BLTP1: variants seen among roughly 807,000 people sequenced by gnomAD.
BLTP1 encodes the protein bridge-like lipid transfer protein family member 1, also known as fragile site-associated protein.
At chr4:122,357,013 G>C in the BLTP1 span, 1 of 984,336 alleles carries the variant, frequency 1.0e-6, no homozygotes, top group Non-Finnish European at 1.2e-6. Context: ...TCTTACAGGA[G>C]ATTCTTGAAA....
the BLTP1 span, chr4:122,264,521 G>A: frequency 8.2e-7 from 1 of 1,217,360 alleles, no homozygotes; most frequent in African/African-American, 1.5e-5. Flanking sequence ...TGGAATTCTA[G>A]TGAGGCTATA....
the BLTP1 span, among the ~76,000 whole-genome samples, chr4:122,265,918 C>T: frequency 1.3e-5 from 2 of 152,132 alleles, no homozygotes; most frequent in Non-Finnish European, 2.9e-5. Flanking sequence ...AGGATGGTCT[C>T]GATCTGACCT....
At chr4:122,181,701 C>T in the BLTP1 span, among the ~76,000 whole-genome samples, 29 of 151,284 alleles carry the variant, frequency 1.9e-4, no homozygotes, top group Non-Finnish European at 2.9e-5. Context: ...TAATGGTAGA[C>T]CGATAATGTA....
the BLTP1 span, chr4:122,250,633 C>G: frequency 2.7e-6 from 4 of 1,497,934 alleles, no homozygotes; most frequent in Non-Finnish European, 3.7e-6. Flanking sequence ...AAGAAAACTA[C>G]ATATGCAATT....
At chr4:122,346,828 G>C in the BLTP1 span, 9 of 1,561,724 alleles carry the variant, frequency 5.8e-6, no homozygotes, top group Non-Finnish European at 7.8e-6. Context: ...TAACACAAAC[G>C]TGATCTTACT....
the BLTP1 span, chr4:122,209,677 G>A: frequency 4.6e-6 from 5 of 1,087,100 alleles, no homozygotes; most frequent in Non-Finnish European, 6.5e-6. Context: ...AATAAAATTA[G>A]TGACAAGTAT....
the BLTP1 span, chr4:122,305,086 G>A: frequency 7.8e-6 from 10 of 1,286,612 alleles, no homozygotes; most frequent in Non-Finnish European, 1.0e-5. Flanking sequence ...AAAATATTTA[G>A]TTTAATTTCC....
At chr4:122,271,094 G>T in the BLTP1 span, 6 of 1,613,914 alleles carry the variant, frequency 3.7e-6, no homozygotes, top group Non-Finnish European at 5.1e-6. Context: ...CAGTGCTGTT[G>T]TAATGGAAAA....
the BLTP1 span, chr4:122,274,651 C>CAA: frequency 1.0e-6 from 1 of 980,208 alleles, no homozygotes. Flanking sequence ...TCCTAACTTC[C>CAA]ATTCAGCAGA....
At chr4:122,344,476 G>A in the BLTP1 span, 1 of 1,613,996 alleles carries the variant, frequency 6.2e-7, no homozygotes, top group Non-Finnish European at 8.5e-7. Flanking sequence ...CACGGATCAG[G>A]CGTTCAGGAG....
the BLTP1 span, chr4:122,262,946 C>T: frequency 6.2e-7 from 1 of 1,613,948 alleles, no homozygotes; most frequent in Non-Finnish European, 8.5e-7. Flanking sequence ...CTCAGAGAAG[C>T]AGTGCTGCTG....
chr4:122,224,034 A>G, the BLTP1 span: 3 of 977,764 alleles, frequency 3.1e-6, no homozygotes, highest in African/African-American at 1.8e-5. Context: ...TTGTATTTAC[A>G]TAGTCCTCAG....
chr4:122,302,846 A>G, the BLTP1 span, among the ~76,000 whole-genome samples: 1 of 152,212 alleles, frequency 6.6e-6, no homozygotes, highest in Non-Finnish European at 1.5e-5. Context: ...ATCCAGAGCA[A>G]TGCCCTAATT....
At chr4:122,169,035 A>C in the BLTP1 span, among the ~76,000 whole-genome samples, 5 of 151,774 alleles carry the variant, frequency 3.3e-5, no homozygotes, top group Non-Finnish European at 2.9e-5. Flanking sequence ...GTAACCTTGA[A>C]CTCCTAGGCT....
At chr4:122,174,273 A>G in the BLTP1 span, 1 of 984,908 alleles carries the variant, frequency 1.0e-6, no homozygotes, top group Admixed American at 6.1e-5. Context: ...ATTAGTCACT[A>G]CTTTGGGTTT....
the BLTP1 span, chr4:122,328,442 C>CA: frequency 1.8e-5 from 22 of 1,245,488 alleles, no homozygotes; most frequent in Admixed American, 3.0e-4. Context: ...TCAGCTTTTA[C>CA]AAAAAACATT....
the BLTP1 span, chr4:122,182,623 C>G: frequency 1.0e-6 from 1 of 984,748 alleles, no homozygotes; most frequent in East Asian, 1.1e-4. Context: ...CCTCCATCTA[C>G]CATTCTGCTT....
the BLTP1 span, chr4:122,325,329 T>G: frequency 6.3e-7 from 1 of 1,597,770 alleles, no homozygotes; most frequent in South Asian, 1.1e-5. Context: ...CAGTAAGAGA[T>G]ATATAATTTG....
At chr4:122,197,509 T>A in the BLTP1 span, 1 of 813,910 alleles carries the variant, frequency 1.2e-6, no homozygotes, top group Non-Finnish European at 1.5e-6. Context: ...AACGTATACA[T>A]TTCTTTTGTA....
Sources: gnomAD v4.1 joint callset for allele counts (sites outside exome capture counted in the v4.1 genomes callset) on GRCh38, gnomAD v4.1.1 for gene constraint, MANE v1.5 for transcripts, NCBI Gene and HGNC (gene_info 2026-07-23, HGNC 2026-07-21) for gene names.